Variants in PRKCE observed in about 807,000 individuals in gnomAD.
The protein encoded by PRKCE is protein kinase C epsilon type.
A neutral mutation model predicts 85.4 loss-of-function variants in PRKCE; 16 were observed. That is an observed-to-expected ratio of 0.19 (90% CI 0.13 to 0.28). The LOEUF (loss-of-function observed/expected upper bound fraction) is 0.28. PRKCE is among the 10% of genes least tolerant of loss of function. The pLI, the probability that PRKCE is intolerant of heterozygous loss-of-function variation, is 1.00. For synonymous variants in PRKCE, 388 were observed against 371.5 expected, an observed-to-expected ratio of 1.04 and a Z score of -0.51; for missense variants, 573 against 975.2, an observed-to-expected ratio of 0.59 and a Z score of 5.49.
chr2:45,778,369 T>C (rs116307221), intron 1 of PRKCE, among the ~76,000 whole-genome samples: 1,823 of 152,232 alleles, frequency 0.012, 20 homozygotes, highest in Non-Finnish European at 0.02. Context: ...GCCGCTTAGC[T>C]CCGTGGAGTT....
chr2:45,906,036 AT>A (rs1696948666), intron 2 of PRKCE, among the ~76,000 whole-genome samples: 1 of 152,090 alleles, frequency 6.6e-6, no homozygotes, highest in African/African-American at 2.4e-5. Context: ...GGTTGGTATC[AT>A]GATAGCATGC....
At chr2:46,097,519 CA>C (rs66634467) in intron 11 of PRKCE, among the ~76,000 whole-genome samples, 42,362 of 93,644 alleles carry the variant, frequency 0.45, 8,571 homozygotes, top group Admixed American at 0.5. Flanking sequence ...GACTCCGTCT[CA>C]AAAAAAAAAA....
chr2:45,715,547 G>A (rs1680016692), intron 1 of PRKCE, among the ~76,000 whole-genome samples: 1 of 152,196 alleles, frequency 6.6e-6, no homozygotes, highest in African/African-American at 2.4e-5. Context: ...TTTCTAAGGA[G>A]CAAGAGACTC....
chr2:45,720,343 G>T (rs946121822), intron 1 of PRKCE, among the ~76,000 whole-genome samples: 2 of 152,128 alleles, frequency 1.3e-5, no homozygotes, highest in Non-Finnish European at 2.9e-5. Flanking sequence ...TGGCGGGGGC[G>T]GTAGGGGTGC....
intron 2 of PRKCE, among the ~76,000 whole-genome samples, chr2:45,968,143 G>A (rs1441778423): frequency 6.6e-6 from 1 of 152,104 alleles, no homozygotes; most frequent in Non-Finnish European, 1.5e-5. Flanking sequence ...TGGCATCCAG[G>A]CATACGTCTG....
intron 1 of PRKCE, among the ~76,000 whole-genome samples, chr2:45,706,488 C>T (rs1679125943): frequency 6.6e-6 from 1 of 152,200 alleles, no homozygotes; most frequent in South Asian, 2.1e-4. Context: ...CAGTGTTTGT[C>T]AACCAGTCTT....
At chr2:45,932,895 T>C (rs1263783022) in intron 2 of PRKCE, among the ~76,000 whole-genome samples, 3 of 152,258 alleles carry the variant, frequency 2.0e-5, no homozygotes, top group African/African-American at 7.2e-5. Context: ...TTTTTATGAC[T>C]GGCTTATTTC....
intron 1 of PRKCE, among the ~76,000 whole-genome samples, chr2:45,665,049 A>G (rs945625879): frequency 6.6e-6 from 1 of 152,248 alleles, no homozygotes; most frequent in Admixed American, 6.5e-5. Context: ...AAAGAGTAAC[A>G]AGAGTTGAAG....
At chr2:45,893,347 T>C (rs1157391257) in intron 2 of PRKCE, among the ~76,000 whole-genome samples, 2 of 90,986 alleles carry the variant, frequency 2.2e-5, no homozygotes, top group African/African-American at 8.3e-5. Context: ...TCTTTTCTTT[T>C]CTTTTCTTTT....
intron 10 of PRKCE, among the ~76,000 whole-genome samples, chr2:46,057,306 G>T (rs1666676668): frequency 1.3e-5 from 2 of 152,162 alleles, no homozygotes; most frequent in African/African-American, 4.8e-5. Flanking sequence ...TTCCTGTAAC[G>T]ATCTTGAGAA....
At position 46,010,354 on chromosome 2, in the gene PRKCE, C is replaced by T; in HGVS notation, c.1274C>T (p.Ala425Val). The T allele has an allele frequency of 1.3e-6, 2 of 1,592,762 alleles. No homozygotes were observed. Among genetic ancestry groups the T allele is most frequent in the South Asian group, 1.1e-5 (1 of 90,308 alleles). ...GKGSFGKVMLAELKGKDEVYA... is the reference protein window; with the variant it reads ...GKGSFGKVMLVELKGKDEVYA... Reference sequence around the variant, plus strand: ...ATTGATTGATTGCAGGTCATGTTGGCAGAACTCAAGGGCAAAGATGAAGTA... The same window carrying T: ...ATTGATTGATTGCAGGTCATGTTGGTAGAACTCAAGGGCAAAGATGAAGTA... The change falls in exon 10 of 15, where the codon GCA (alanine) becomes GTA (valine). Residue 425 changes from alanine (A) to valine (V), a missense_variant. Transcript: ENST00000306156.
At chr2:45,954,720 T>C (rs750737394) in intron 2 of PRKCE, among the ~76,000 whole-genome samples, 44 of 152,354 alleles carry the variant, frequency 2.9e-4, no homozygotes, top group Non-Finnish European at 5.3e-4. Flanking sequence ...AAACAATTAC[T>C]GTCAAGAAAT....
intron 1 of PRKCE, among the ~76,000 whole-genome samples, chr2:45,795,606 G>C (rs771688917): frequency 6.6e-6 from 1 of 152,096 alleles, no homozygotes; most frequent in East Asian, 1.9e-4. Context: ...CACTGCGCCC[G>C]GCCTGAACAT....
At chr2:45,700,537 A>G (rs938318086) in intron 1 of PRKCE, 1 of 152,094 alleles carries the variant, frequency 6.6e-6, no homozygotes, top group Non-Finnish European at 1.5e-5. Context: ...AATTTCCTCC[A>G]GATATTCAAG....
In PRKCE at chr2:45,843,081, C is replaced by A. The variant is rs144494034; in HGVS notation, c.412+18C>A. 1.7e-3 allele frequency: 2,816 copies of A among 1,611,220 alleles called. 28 individuals carry two copies. In the East Asian group the frequency reaches 0.018, roughly 10 times the overall value. ...GGGTGAAGGTAGGAGAGCGTGACTT[C>A]TCATCCCTGTTTTCTTCCATTGGCC... is the stretch of plus-strand genomic sequence containing the variant. On this transcript the variant is annotated intron_variant, in intron 2 of 14. Coordinates refer to ENST00000306156, the MANE Select transcript of PRKCE (RefSeq NM_005400.3).
In PRKCE at chr2:45,843,373, G is replaced by C. The variant is rs866222704; in HGVS notation, c.412+310G>C. Among the ~76,000 whole-genome samples the C allele has an allele frequency of 6.6e-5, 10 of 152,300 alleles. No individual in the cohort carries two copies. In the South Asian group the frequency reaches 1.0e-3, roughly 16 times the overall value. On this transcript the variant is annotated intron_variant, in intron 2 of 14. Transcript: ENST00000306156. ...GCCTCTCCCAGGAGGCTTGCGTGGGGTTTGTGTGTGTGTGGTGGGAAGGAA... is the reference window on the plus strand; with the variant it reads ...GCCTCTCCCAGGAGGCTTGCGTGGGCTTTGTGTGTGTGTGGTGGGAAGGAA...
At chr2:45,666,437 G>A (rs532587758) in intron 1 of PRKCE, among the ~76,000 whole-genome samples, 11 of 151,566 alleles carry the variant, frequency 7.3e-5, no homozygotes, top group East Asian at 3.9e-4. Flanking sequence ...GCACCTCCCC[G>A]GCTTCCATTT....
At chr2:46,077,350 C>G (rs531272666) in intron 10 of PRKCE, among the ~76,000 whole-genome samples, 1 of 151,964 alleles carries the variant, frequency 6.6e-6, no homozygotes, top group South Asian at 2.1e-4. Context: ...GTACAGCTTT[C>G]TGTATGTCAA....
chr2:45,807,416 G>A (rs1400852825), intron 1 of PRKCE, among the ~76,000 whole-genome samples: 1 of 152,248 alleles, frequency 6.6e-6, no homozygotes, highest in East Asian at 1.9e-4. Context: ...AAGGCGATGT[G>A]TTTCACACAG....
Sources: allele counts gnomAD v4.1 joint callset (sites outside exome capture counted in the v4.1 genomes callset), GRCh38; gene constraint gnomAD v4.1.1; transcripts MANE v1.5; gene names NCBI Gene and HGNC (gene_info 2026-07-23, HGNC 2026-07-21).